The following DAAM2 variants were observed in gnomAD, a reference collection of about 807,000 sequenced individuals.
DAAM2 encodes the protein dishevelled associated activator of morphogenesis 2.
In DAAM2, 39 loss-of-function variants were observed where a neutral mutation model predicts 120.7. The ratio of observed to expected loss-of-function variants is 0.32; its 90% CI spans 0.25 to 0.42. DAAM2 has a LOEUF of 0.42. Ranked by LOEUF, DAAM2 falls within the 10% of genes least tolerant of loss-of-function variation. The probability of loss-of-function intolerance (pLI) is 1.00; values close to 1 mark genes in which losing one functional copy is unlikely to be tolerated. For synonymous variants in DAAM2, 488 were observed against 524.9 expected (o/e 0.93, Z 0.96); for missense variants, 1,283 against 1,401.7 (o/e 0.92, Z 1.35).
At chr6:39,822,684 C>A (rs905833982) in intron 1 of DAAM2, 1 of 152,164 alleles carries the variant, frequency 6.6e-6, no homozygotes, top group Non-Finnish European at 1.5e-5. Context: ...GATTAAGGAC[C>A]TTTCCTTAAA....
chr6:39,896,671 G>A, intron 19 of DAAM2, 141 bp from the exon 20 acceptor site: 2 of 632,056 alleles, frequency 3.2e-6, no homozygotes, highest in Non-Finnish European at 5.0e-6. Context: ...TGAGGAGTAG[G>A]TATAATCTCT....
chr6:39,876,218 A>G (rs1764863208), intron 11 of DAAM2, among the ~76,000 whole-genome samples: 1 of 152,226 alleles, frequency 6.6e-6, no homozygotes, highest in African/African-American at 2.4e-5. Context: ...TTAACATACT[A>G]ATTTTTAATT....
intron 1 of DAAM2, among the ~76,000 whole-genome samples, chr6:39,832,620 C>T (rs747502845): frequency 2.8e-4 from 42 of 152,128 alleles, no homozygotes; most frequent in South Asian, 2.1e-4. Flanking sequence ...TGCTTTGGAG[C>T]GAGGTCCCAT....
At chr6:39,817,591 A>G (rs1265170963) in intron 1 of DAAM2, among the ~76,000 whole-genome samples, 1 of 152,182 alleles carries the variant, frequency 6.6e-6, no homozygotes. Flanking sequence ...AACAGAACCA[A>G]TAGGATCTCT....
At chr6:39,889,375 A>G (rs908292289) in intron 17 of DAAM2, among the ~76,000 whole-genome samples, 9 of 152,236 alleles carry the variant, frequency 5.9e-5, no homozygotes, top group African/African-American at 2.2e-4. Context: ...ATAAGGGGGC[A>G]CCACACACCC....
chr6:39,871,179 G>T (rs539421803), intron 8 of DAAM2, among the ~76,000 whole-genome samples: 1 of 152,268 alleles, frequency 6.6e-6, no homozygotes, highest in African/African-American at 2.4e-5. Flanking sequence ...GTGGGTGGAG[G>T]CTGGGGATGC....
intron 14 of DAAM2, among the ~76,000 whole-genome samples, chr6:39,882,703 G>GCACACA (rs59036252): frequency 6.7e-6 from 1 of 150,146 alleles, no homozygotes; most frequent in Non-Finnish European, 1.5e-5. Context: ...TTCTGTGAGC[G>GCACACA]CACACACACA....
At chr6:39,877,612 T>C (rs959507238) in intron 11 of DAAM2, among the ~76,000 whole-genome samples, 2 of 152,260 alleles carry the variant, frequency 1.3e-5, no homozygotes, top group African/African-American at 4.8e-5. Flanking sequence ...TCTTGGGATC[T>C]CGCTTTGGGA....
intron 4 of DAAM2, 53 bp from the exon 5 acceptor site, chr6:39,864,927 G>A (rs1764363093): frequency 1.3e-6 from 2 of 1,560,544 alleles, no homozygotes; most frequent in Non-Finnish European, 1.7e-6. Flanking sequence ...CACCTGAGCT[G>A]TAGTGCAGAG....
intron 1 of DAAM2, among the ~76,000 whole-genome samples, chr6:39,796,519 C>T (rs1761703772): frequency 6.7e-6 from 1 of 149,134 alleles, no homozygotes; most frequent in Non-Finnish European, 1.5e-5. Context: ...AAGTAAGTGC[C>T]TGTTCTTGGA....
At chr6:39,843,838 G>A (rs1207574567) in intron 1 of DAAM2, among the ~76,000 whole-genome samples, 1 of 152,154 alleles carries the variant, frequency 6.6e-6, no homozygotes, top group Admixed American at 6.5e-5. Context: ...ATGGGGAGAT[G>A]GGGAAGAGAT....
Position 39,837,663 on chromosome 6 carries a change from C to CAAAAAAA in DAAM2, c.-56-18567_-56-18561dup, listed in dbSNP as rs758751293. On this transcript the variant is annotated intron_variant, in intron 1 of 24. Transcript: ENST00000274867. Reference sequence around the variant, plus strand: ...GGGCAACAAGAGCGAAACTCCATCTCAAAAAAAAAAAAAAAAAAAAAAAGA... The same window carrying CAAAAAAA: ...GGGCAACAAGAGCGAAACTCCATCTCAAAAAAAAAAAAAAAAAAAAAAAAAAAAAAGA... Among the ~76,000 whole-genome samples, 136 of 41,150 alleles carry CAAAAAAA rather than the reference C, an allele frequency of 3.3e-3. 8 individuals carry two copies. Among genetic ancestry groups the CAAAAAAA allele is most frequent in the African/African-American group, 0.01 (93 of 8,940 alleles). The allele number at this position is 41,150 out of a possible 152,430, so 27.0% of individuals were successfully genotyped here.
At chr6:39,846,865 G>A (rs1278669265) in intron 1 of DAAM2, among the ~76,000 whole-genome samples, 2 of 152,140 alleles carry the variant, frequency 1.3e-5, no homozygotes, top group Admixed American at 6.5e-5. Context: ...TTGAAAGAAC[G>A]AATGAAGTGG....
Position 39,887,527 on chromosome 6 carries a change from C to T in DAAM2, c.1995C>T (p.Arg665=), listed in dbSNP as rs1765448814. Residue 665 remains arginine, a synonymous_variant, in exon 16 of 25, where the codon CGC becomes CGT. Transcript: ENST00000274867. ...GSTEDIYLAS[R]KVKELSVIDG... Reference sequence around the variant, plus strand: ...CTGAAGACATCTACCTGGCTTCCCGCAAGGTCAAAGAGCTGTCGGTCATTG... The same window carrying T: ...CTGAAGACATCTACCTGGCTTCCCGTAAGGTCAAAGAGCTGTCGGTCATTG... 1 of 1,613,696 alleles carries T rather than the reference C, an allele frequency of 6.2e-7. No homozygotes were observed. The highest frequency in any genetic ancestry group is 8.5e-7 in the Non-Finnish European group (1 of 1,179,838).
intron 1 of DAAM2, among the ~76,000 whole-genome samples, chr6:39,852,893 C>A (rs2149276549): frequency 6.6e-6 from 1 of 152,342 alleles, no homozygotes; most frequent in South Asian, 2.1e-4. Context: ...ATGATGGAAG[C>A]AGCTCCTACT....
In DAAM2 at chr6:39,897,090, TC is replaced by T. The variant is rs149874719; in HGVS notation, c.2511-84del. The T allele has an allele frequency of 4.6e-3, 6,983 of 1,516,178 alleles. 238 individuals are homozygous for T. In the African/African-American group the frequency reaches 0.076, roughly 17 times the overall value. 93.9% of individuals were successfully genotyped at this position (1,516,178 alleles called of 1,614,324 possible). A position where few individuals can be genotyped will look rare whatever the true frequency, so the allele number is the denominator to read the frequency against. Reference sequence around the variant, plus strand: ...AACATCCTAAGACTCATCACCCCTTTCTCTTAACACTCCATCCTCTGACCCT... The same window carrying T: ...AACATCCTAAGACTCATCACCCCTTTTCTTAACACTCCATCCTCTGACCCT... On this transcript the variant is annotated intron_variant, in intron 20 of 24. Coordinates refer to ENST00000274867, the MANE Select transcript of DAAM2 (RefSeq NM_001201427.2).
intron 11 of DAAM2, among the ~76,000 whole-genome samples, chr6:39,877,116 C>T (rs1764906091): frequency 6.6e-6 from 1 of 152,220 alleles, no homozygotes. Context: ...AGTCCACTGC[C>T]TGTAGACTTA....
At chr6:39,792,693 G>T (rs2113967484) in intron 1 of DAAM2, among the ~76,000 whole-genome samples, 1 of 152,336 alleles carries the variant, frequency 6.6e-6, no homozygotes, top group Middle Eastern at 3.4e-3. Flanking sequence ...TTGTGTGTGT[G>T]TATGAGTGTG....
chr6:39,833,496 CAG>C (rs1208255775), intron 1 of DAAM2, among the ~76,000 whole-genome samples: 2 of 152,072 alleles, frequency 1.3e-5, no homozygotes, highest in East Asian at 3.9e-4. Context: ...TTATTAGAGA[CAG>C]AGTTTCACCA....
Sources: gnomAD v4.1 joint callset for allele counts (sites outside exome capture counted in the v4.1 genomes callset) on GRCh38, gnomAD v4.1.1 for gene constraint, MANE v1.5 for transcripts, NCBI Gene and HGNC (gene_info 2026-07-23, HGNC 2026-07-21) for gene names.